Variants in DYNC1H1 observed in about 807,000 individuals in gnomAD.
The protein encoded by DYNC1H1 is dynein cytoplasmic 1 heavy chain 1, also known as cytoplasmic dynein 1 heavy chain 1.
DYNC1H1 carries 51 observed loss-of-function variants against 527.1 expected under a neutral mutation model. The ratio of observed to expected loss-of-function variants is 0.10; its 90% CI spans 0.08 to 0.12. The LOEUF (loss-of-function observed/expected upper bound fraction) is 0.12. DYNC1H1 is among the 10% of genes least tolerant of loss of function. The probability of loss-of-function intolerance (pLI) is 1.00; values close to 1 mark genes in which losing one functional copy is unlikely to be tolerated. For synonymous variants in DYNC1H1, 2,189 were observed against 2,278.8 expected, an observed-to-expected ratio of 0.96 and a Z score of 1.12; for missense variants, 2,771 against 5,971.8, an observed-to-expected ratio of 0.46 and a Z score of 17.66.
intron 23 of DYNC1H1, among the ~76,000 whole-genome samples, chr14:102,003,466 T>C (rs779769659): frequency 1.3e-5 from 2 of 152,144 alleles, no homozygotes; most frequent in Non-Finnish European, 2.9e-5. Context: ...TTCGCCATGT[T>C]GGTCAGACTT....
intron 1 of DYNC1H1, among the ~76,000 whole-genome samples, chr14:101,966,638 C>T (rs1274167829): frequency 6.6e-6 from 1 of 151,932 alleles, no homozygotes; most frequent in Non-Finnish European, 1.5e-5. Flanking sequence ...TTTTGAGTAG[C>T]TTGACCATTG....
chr14:102,033,351 A>G lies in DYNC1H1; in HGVS notation c.10280A>G (p.Gln3427Arg). ...QKLEDDAKDNQQKANEVEQMI... is the reference protein window; with the variant it reads ...QKLEDDAKDNRQKANEVEQMI... ...CTGGAAGATGACGCCAAGGACAACC[A>G]GCAGAAGGCCAACGAGGTGGAGCAG... The change falls in exon 54 of 78, where the codon CAG (glutamine) becomes CGG (arginine). Residue 3427 changes from glutamine to arginine, a missense_variant. By Grantham distance (43) the Gln-to-Arg change is conservative. Around this residue, in one of 32 missense-constraint regions of DYNC1H1, gnomAD observed 283 missense variants for 737.6 expected, o/e 0.38. Coordinates refer to ENST00000360184, the MANE Select transcript of DYNC1H1 (RefSeq NM_001376.5). The surrounding 1 kb of genome is among the most constrained non-coding windows in gnomAD (Gnocchi z 5.6). The G allele has an allele frequency of 1.2e-6, 2 of 1,614,260 alleles. No homozygotes were observed. The highest frequency in any genetic ancestry group is 1.7e-6 in the Non-Finnish European group (2 of 1,180,050).
chr14:101,976,103 C>T (rs987225758), intron 2 of DYNC1H1, among the ~76,000 whole-genome samples: 1 of 150,826 alleles, frequency 6.6e-6, no homozygotes, highest in Admixed American at 6.6e-5. Context: ...GACAGGGTTT[C>T]TCCGTGTTGG....
chr14:102,026,437 T>C, intron 43 of DYNC1H1, 137 bp from the exon 44 acceptor site: 1 of 943,276 alleles, frequency 1.1e-6, no homozygotes, highest in Non-Finnish European at 1.6e-6. Flanking sequence ...ATTTATATTT[T>C]TTTGCTATGT....
chr14:101,983,738 C>G lies in DYNC1H1; in HGVS notation c.1461+129C>G. ...TGTTGCCCAGGCTGGAGTGCAATGG[C>G]ATGATCTTGGCTCACTGCAACCTCC... On this transcript the variant is annotated intron_variant, in intron 7 of 77. Coordinates refer to ENST00000360184, the MANE Select transcript of DYNC1H1 (RefSeq NM_001376.5). The surrounding 1 kb of genome is among the most constrained non-coding windows in gnomAD (Gnocchi z 5.3). The G allele has an allele frequency of 2.7e-6, 3 of 1,103,404 alleles. No individual in the cohort carries two copies. Among genetic ancestry groups the G allele is most frequent in the Non-Finnish European group, 3.9e-6 (3 of 759,752 alleles). The allele number at this position is 1,103,404 out of a possible 1,614,324, so 68.4% of individuals were successfully genotyped here.
chr14:102,043,350 T>TC (rs1295134540), intron 69 of DYNC1H1: 7 of 218,158 alleles, frequency 3.2e-5, no homozygotes, highest in Non-Finnish European at 6.4e-5. Flanking sequence ...AAAATTTCCT[T>TC]CCTTTGAGCA....
rs199663361 is a variant in DYNC1H1 at position 101,988,764 on chromosome 14, T to C, written c.2780T>C (p.Leu927Pro). Residue 927 changes from leucine (L) to proline (P), a missense_variant, in exon 10 of 78, where the codon CTT (leucine) becomes CCT (proline). Physicochemically the swap from Leu to Pro is moderately conservative, Grantham distance 98 (BLOSUM62 -3). Coordinates refer to ENST00000360184, the MANE Select transcript of DYNC1H1 (RefSeq NM_001376.5). ...AGLRAWTQVLLGQAEDKAEVD... is the reference protein window; with the variant it reads ...AGLRAWTQVLPGQAEDKAEVD... ...CTGAGAGCTTGGACGCAGGTTCTTCTTGGACAAGCTGAAGATAAAGCAGAA... is the reference window on the plus strand; with the variant it reads ...CTGAGAGCTTGGACGCAGGTTCTTCCTGGACAAGCTGAAGATAAAGCAGAA... The C allele has an allele frequency of 1.2e-6, 2 of 1,614,218 alleles. No individual in the cohort carries two copies. The highest frequency in any genetic ancestry group is 2.2e-5 in the East Asian group (1 of 44,890).
chr14:102,047,641 G>GTGTGTGTATATATATA, intron 72 of DYNC1H1, 176 bp from the exon 73 acceptor site: 13 of 316,750 alleles, frequency 4.1e-5, no homozygotes, highest in Middle Eastern at 9.8e-4. Flanking sequence ...GTGTGTGTGT[G>GTGTGTGTATATATATA]TATATATATA....
In DYNC1H1 at chr14:102,050,939, A is replaced by G. The variant is rs1267212141; in HGVS notation, c.*376A>G. On this transcript the variant is annotated 3_prime_UTR_variant, in exon 78 of 78. Transcript: ENST00000360184. ...TCGCTCCCGAGCGGCCACAGCACTC[A>G]TGAATGAAGACCTTGGGGCCCTTCA... is the stretch of plus-strand genomic sequence containing the variant. 2 of 349,070 alleles carry G rather than the reference A, an allele frequency of 5.7e-6. No homozygotes were observed. The highest frequency in any genetic ancestry group is 1.1e-5 in the Non-Finnish European group (2 of 180,886). 21.6% of individuals were successfully genotyped at this position (349,070 alleles called of 1,614,324 possible). A position where few individuals can be genotyped will look rare whatever the true frequency, so the allele number is the denominator to read the frequency against.
intron 11 of DYNC1H1, among the ~76,000 whole-genome samples, chr14:101,992,472 C>T (rs1300090624): frequency 6.6e-6 from 1 of 152,154 alleles, no homozygotes; most frequent in Non-Finnish European, 1.5e-5. Context: ...CTGTTTTTAA[C>T]CAGCCGTGTT....
At chr14:101,991,055 C>T (rs944351502) in intron 10 of DYNC1H1, among the ~76,000 whole-genome samples, 3 of 151,438 alleles carry the variant, frequency 2.0e-5, no homozygotes, top group South Asian at 2.1e-4. Flanking sequence ...TGATGGTGCA[C>T]GCCTGTGGTC....
chr14:101,989,170 A>T (rs779219092), intron 10 of DYNC1H1, among the ~76,000 whole-genome samples: 8 of 152,346 alleles, frequency 5.3e-5, no homozygotes, highest in Middle Eastern at 3.4e-3. Context: ...GTAAATCTAA[A>T]ATAATTATTT....
In DYNC1H1 at chr14:102,052,678, C is replaced by T. The variant is rs904121704; in HGVS notation, c.*2115C>T. 5 of 152,242 alleles carry T rather than the reference C, an allele frequency of 3.3e-5. No individual in the cohort carries two copies. The highest frequency in any genetic ancestry group is 4.4e-5 in the Non-Finnish European group (3 of 68,076). The allele number at this position is 152,242 out of a possible 1,614,324, so 9.4% of individuals were successfully genotyped here. A position where few individuals can be genotyped will look rare whatever the true frequency, so the allele number is the denominator to read the frequency against. On this transcript the variant is annotated 3_prime_UTR_variant, in exon 78 of 78. Transcript: ENST00000360184. The stretch of plus-strand genomic sequence containing the variant: ...CATGCCCCTCGAGCTCTGCTTGGCA[C>T]GTGTCTGCCAGTCTCAGGGGGCTCC...
chr14:102,042,838 G>A lies in DYNC1H1; in HGVS notation c.12513+90G>A, dbSNP rs570537686. 1.5e-5 allele frequency: 22 copies of A among 1,440,256 alleles called. No homozygotes were observed. The highest frequency in any genetic ancestry group is 1.8e-5 in the Non-Finnish European group (19 of 1,040,976). The allele number at this position is 1,440,256 out of a possible 1,614,324, so 89.2% of individuals were successfully genotyped here. A position where few individuals can be genotyped will look rare whatever the true frequency, so the allele number is the denominator to read the frequency against. Reference sequence around the variant, plus strand: ...TGCAGAAGTGGGTCCCTGGGCCCCCGGAAGTGCCGTGTGGTGAACTGCACA... The same window carrying A: ...TGCAGAAGTGGGTCCCTGGGCCCCCAGAAGTGCCGTGTGGTGAACTGCACA... On this transcript the variant is annotated intron_variant, in intron 69 of 77. Coordinates refer to ENST00000360184, the MANE Select transcript of DYNC1H1 (RefSeq NM_001376.5). This position sits in a 1 kb window ranked among gnomAD's most constrained non-coding sequence, Gnocchi z 5.7.
At chr14:101,980,088 C>T (rs1473611606) in intron 4 of DYNC1H1, 114 bp downstream of exon 4, 7 of 1,501,340 alleles carry the variant, frequency 4.7e-6, no homozygotes, top group South Asian at 1.2e-5. Context: ...TTAGTGGTGC[C>T]GCCTCTTGGT....
In DYNC1H1 at chr14:102,050,175, A is replaced by G. The variant is rs761291846; in HGVS notation, c.13789A>G (p.Asn4597Asp). ...LTQLRWVKQT[N>D]TEKKASVVTL... is the part of the protein sequence containing the mutation. Reference sequence around the variant, plus strand: ...GCAGCTGCGCTGGGTCAAGCAGACAAACACCGAGAAGAAGGCCAGTGTGGT... The same window carrying G: ...GCAGCTGCGCTGGGTCAAGCAGACAGACACCGAGAAGAAGGCCAGTGTGGT... The change falls in exon 77 of 78, where the codon AAC (asparagine) becomes GAC (aspartate). Residue 4597 changes from asparagine (N) to aspartate (D), a missense_variant. Transcript: ENST00000360184. 1 of 1,614,012 alleles carries G rather than the reference A, an allele frequency of 6.2e-7. No homozygotes were observed. The highest frequency in any genetic ancestry group is 8.5e-7 in the Non-Finnish European group (1 of 1,180,006).
chr14:102,042,909 G>T lies in DYNC1H1; in HGVS notation c.12513+161G>T. 1 of 810,146 alleles carries T rather than the reference G, an allele frequency of 1.2e-6. No individual in the cohort carries two copies. The highest frequency in any genetic ancestry group is 2.0e-6 in the Non-Finnish European group (1 of 490,262). 50.2% of individuals were successfully genotyped at this position (810,146 alleles called of 1,614,324 possible). On this transcript the variant is annotated intron_variant, in intron 69 of 77. Transcript: ENST00000360184. This position sits in a 1 kb window ranked among gnomAD's most constrained non-coding sequence, Gnocchi z 5.7. The stretch of plus-strand genomic sequence containing the variant: ...GTAGGTAAAATTTCCTTCCATGGCC[G>T]GGCACCGTGGCTCACACTGGTAATC...
chr14:102,015,825 A>G lies in DYNC1H1; in HGVS notation c.7243-31A>G, dbSNP rs370015169. ...ATGAAACTCGCCTGCCTTTTGAAAG[A>G]TAGTTAAGTATCACTCCTTCCACTT... On this transcript the variant is annotated intron_variant, in intron 35 of 77. Coordinates refer to ENST00000360184, the MANE Select transcript of DYNC1H1 (RefSeq NM_001376.5). The surrounding 1 kb of genome is among the most constrained non-coding windows in gnomAD (Gnocchi z 6.9). The G allele has an allele frequency of 1.9e-6, 3 of 1,611,690 alleles. No homozygotes were observed. Among genetic ancestry groups the G allele is most frequent in the South Asian group, 1.1e-5 (1 of 90,798 alleles).
chr14:102,045,258 A>C, intron 72 of DYNC1H1: 1 of 175,958 alleles, frequency 5.7e-6, no homozygotes, highest in Admixed American at 5.6e-5. Flanking sequence ...AGCCGAGATC[A>C]CATCACTCTA....
Sources: allele counts gnomAD v4.1 joint callset (sites outside exome capture counted in the v4.1 genomes callset), GRCh38; gene constraint gnomAD v4.1.1; regional missense constraint gnomAD v4.1.1; non-coding constraint Gnocchi (gnomAD v3.1); transcripts MANE v1.5; gene names NCBI Gene and HGNC (gene_info 2026-07-23, HGNC 2026-07-21).